Variants in MAP3K4 observed in about 807,000 individuals in gnomAD.
MAP3K4 encodes the protein MAP three kinase 1.
MAP3K4 carries 67 observed loss-of-function variants against 185.6 expected under a neutral mutation model. The ratio of observed to expected loss-of-function variants is 0.36; its 90% confidence interval spans 0.30 to 0.44. The LOEUF is 0.44. MAP3K4 is among the 20% of genes least tolerant of loss of function. The pLI is 1.00. For synonymous variants in MAP3K4, 702 were observed against 710.4 expected (o/e 0.99, Z 0.19); for missense variants, 1,551 against 1,995.1 (o/e 0.78, Z 4.24).
intron 1 of MAP3K4, among the ~76,000 whole-genome samples, chr6:161,011,860 C>T (rs1202489215): frequency 2.0e-5 from 3 of 152,176 alleles, no homozygotes; most frequent in African/African-American, 7.2e-5. Context: ...TTATTCCTTT[C>T]CTGACAGACT....
At position 161,048,534 on chromosome 6, in the gene MAP3K4, A is replaced by C; in HGVS notation, c.344-82A>C. On this transcript the variant is annotated intron_variant, in intron 2 of 26. Transcript: ENST00000392142. The surrounding 1 kb of genome is among the most constrained non-coding windows in gnomAD (Gnocchi z 4.7). ...CAGTCTGAAAATATAAATATGTGTG[A>C]ATACCAGTTTTATTGAAAATATTGA... The C allele has an allele frequency of 1.1e-6, 1 of 874,864 alleles. No homozygotes were observed. The highest frequency in any genetic ancestry group is 1.7e-6 in the Non-Finnish European group (1 of 585,604). 54.2% of individuals were successfully genotyped at this position (874,864 alleles called of 1,614,324 possible).
At chr6:161,078,762 C>T (rs1362523232) in intron 5 of MAP3K4, among the ~76,000 whole-genome samples, 6 of 152,002 alleles carry the variant, frequency 3.9e-5, no homozygotes, top group Admixed American at 3.3e-4. Flanking sequence ...TGGCCGAGCC[C>T]GAGATGGAGG....
chr6:161,057,872 C>T (rs1292674466), intron 3 of MAP3K4, among the ~76,000 whole-genome samples: 4 of 152,114 alleles, frequency 2.6e-5, no homozygotes, highest in Non-Finnish European at 5.9e-5. Flanking sequence ...TACAAACATA[C>T]AAAGGAAAGT....
At position 160,991,823 on chromosome 6, in the gene MAP3K4, G is replaced by C. The variant is rs922111073; in HGVS notation, c.-109G>C. The C allele has an allele frequency of 1.6e-6, 2 of 1,254,664 alleles. No homozygotes were observed. The highest frequency in any genetic ancestry group is 2.1e-6 in the Non-Finnish European group (2 of 967,556). 77.7% of individuals were successfully genotyped at this position (1,254,664 alleles called of 1,614,324 possible). ...CGCGGCGCGCACGGCTCCTGCGGCG[G>C]GGTAGAGGCGGAGGCGGAGTCGAGT... On this transcript the variant is annotated 5_prime_UTR_variant, in exon 1 of 27. Transcript: ENST00000392142. The surrounding 1 kb of genome is among the most constrained non-coding windows in gnomAD (Gnocchi z 5.7).
At position 161,100,536 on chromosome 6, in the gene MAP3K4, G is replaced by A. The variant is rs1583233494; in HGVS notation, c.3675-1356G>A. On this transcript the variant is annotated intron_variant, in intron 17 of 26. Transcript: ENST00000392142. This position sits in a 1 kb window ranked among gnomAD's most constrained non-coding sequence, Gnocchi z 5.8. ...TCCTGCTGGCTCTCAAGAGCTGATG[G>A]CGAATGTTTGAGAAATTTTGCAAGT... Among the ~76,000 whole-genome samples the A allele has an allele frequency of 6.6e-6, 1 of 152,168 alleles. No individual in the cohort carries two copies. The highest frequency in any genetic ancestry group is 2.1e-4 in the South Asian group (1 of 4,826).
At position 161,017,920 on chromosome 6, in the gene MAP3K4, T is replaced by C. The variant is rs1782189156; in HGVS notation, c.153-16339T>C. On this transcript the variant is annotated intron_variant, in intron 1 of 26. Transcript: ENST00000392142. The surrounding 1 kb of genome is among the most constrained non-coding windows in gnomAD (Gnocchi z 5.1). ...AGAACAGTTTTTTTAGATTAAAAAA[T>C]ATAAATATGCTGGGTTTTAGTGATT... Among the ~76,000 whole-genome samples the C allele has an allele frequency of 6.6e-6, 1 of 152,184 alleles. No homozygotes were observed. Among genetic ancestry groups the C allele is most frequent in the African/African-American group, 2.4e-5 (1 of 41,444 alleles).
At position 161,100,438 on chromosome 6, in the gene MAP3K4, T is replaced by C. The variant is rs1001476234; in HGVS notation, c.3675-1454T>C. ...TTGATTTTACTTGACCTAGGAAATA[T>C]CTGTTCTGGGCTTAAGTTATCTTAT... On this transcript the variant is annotated intron_variant, in intron 17 of 26. Coordinates refer to ENST00000392142, the MANE Select transcript of MAP3K4 (RefSeq NM_005922.4). The surrounding 1 kb of genome is among the most constrained non-coding windows in gnomAD (Gnocchi z 5.8). Among the ~76,000 whole-genome samples, 4 of 152,232 alleles carry C rather than the reference T, an allele frequency of 2.6e-5. No individual in the cohort carries two copies. The highest frequency in any genetic ancestry group is 5.9e-5 in the Non-Finnish European group (4 of 68,042).
chr6:161,026,345 C>A (rs1476314824), intron 1 of MAP3K4, among the ~76,000 whole-genome samples: 1 of 152,008 alleles, frequency 6.6e-6, no homozygotes, highest in African/African-American at 2.4e-5. Context: ...CCATGTTAGC[C>A]AGGATGGTCT....
chr6:161,100,667 A>C lies in MAP3K4; in HGVS notation c.3675-1225A>C. Among the ~76,000 whole-genome samples the C allele has an allele frequency of 6.6e-6, 1 of 152,190 alleles. No homozygotes were observed. Among genetic ancestry groups the C allele is most frequent in the East Asian group, 1.9e-4 (1 of 5,198 alleles). On this transcript the variant is annotated intron_variant, in intron 17 of 26. Transcript: ENST00000392142. This position sits in a 1 kb window ranked among gnomAD's most constrained non-coding sequence, Gnocchi z 5.8. ...TTCCCCAATATGCCACTTCATGAGT[A>C]TATGTTCTTGCTTTTTACCCGTGCA... is the stretch of plus-strand genomic sequence containing the variant.
At position 161,055,731 on chromosome 6, in the gene MAP3K4, G is replaced by A. The variant is rs556617755; in HGVS notation, c.1707+5752G>A. 9.2e-5 allele frequency among the ~76,000 whole-genome samples: 14 copies of A among 152,328 alleles called. No individual in the cohort carries two copies. The East Asian group carries it at 2.5e-3, about 27-fold the overall frequency. Reference sequence around the variant, plus strand: ...ATGGGGCTTGGGAATGGATGCCACAGAGTTGAAATGCCCTAGTCGCATTAC... The same window carrying A: ...ATGGGGCTTGGGAATGGATGCCACAAAGTTGAAATGCCCTAGTCGCATTAC... On this transcript the variant is annotated intron_variant, in intron 3 of 26. Transcript: ENST00000392142.
At position 161,102,759 on chromosome 6, in the gene MAP3K4, C is replaced by A; in HGVS notation, c.3836C>A (p.Thr1279Lys). The part of the protein sequence containing the change: ...GSTRRSWELR[T>K]LISQSKDTAS... ...ACAAGAAGAAGTTGGGAACTTCGGA[C>A]ACTAATCAGCCAGAGTAAAGGTGAG... The change falls in exon 19 of 27, where the codon ACA becomes AAA. Residue 1279 changes from threonine (T) to lysine (K), a missense_variant. This residue lies in a region of MAP3K4 where 272 missense variants were observed against 301.2 expected (regional missense o/e 0.90). Transcript: ENST00000392142. The A allele has an allele frequency of 1.3e-6, 2 of 1,520,072 alleles. No homozygotes were observed. The highest frequency in any genetic ancestry group is 2.4e-5 in the East Asian group (1 of 42,462). 94.2% of individuals were successfully genotyped at this position (1,520,072 alleles called of 1,614,324 possible).
In MAP3K4 at chr6:161,110,626, A is replaced by G. The variant is rs913156378; in HGVS notation, c.4396+712A>G. Among the ~76,000 whole-genome samples the G allele has an allele frequency of 6.6e-6, 1 of 152,202 alleles. No homozygotes were observed. The highest frequency in any genetic ancestry group is 2.4e-5 in the African/African-American group (1 of 41,444). ...TGTAGTCTGAGGCTAACCTAAACAC[A>G]TTAACTTAGGAACCGACCTGACTTC... On this transcript the variant is annotated intron_variant, in intron 23 of 26. Transcript: ENST00000392142. This position sits in a 1 kb window ranked among gnomAD's most constrained non-coding sequence, Gnocchi z 4.8.
In MAP3K4 at chr6:161,116,530, A is replaced by G. The variant is rs954167796; in HGVS notation, c.4807-320A>G. ...TAAGGGGCAAGCAGCAGGATCAGCT[A>G]TGGAGACATTAGGGATTTGTAATTA... On this transcript the variant is annotated intron_variant, in intron 26 of 26. Coordinates refer to ENST00000392142, the MANE Select transcript of MAP3K4 (RefSeq NM_005922.4). The surrounding 1 kb of genome is among the most constrained non-coding windows in gnomAD (Gnocchi z 6.2). Among the ~76,000 whole-genome samples the G allele has an allele frequency of 1.3e-5, 2 of 152,168 alleles. No individual in the cohort carries two copies. Among genetic ancestry groups the G allele is most frequent in the Non-Finnish European group, 2.9e-5 (2 of 68,034 alleles).
Position 161,106,540 on chromosome 6 carries a change from G to A in MAP3K4, c.3883G>A (p.Glu1295Lys), listed in dbSNP as rs760466825. 1.4e-5 allele frequency: 23 copies of A among 1,612,376 alleles called. No homozygotes were observed. Among genetic ancestry groups the A allele is most frequent in the Non-Finnish European group, 1.9e-5 (22 of 1,179,348 alleles). Reference sequence around the variant, plus strand: ...TACTGCTTCTAAACTAGGACCCATAGAAGCTATCCAGAAGTCAGTCCGATT... The same window carrying A: ...TACTGCTTCTAAACTAGGACCCATAAAAGCTATCCAGAAGTCAGTCCGATT... The part of the protein sequence containing the change: ...KDTASKLGPI[E>K]AIQKSVRLFE... The change falls in exon 20 of 27, where the codon GAA (glutamate) becomes AAA (lysine). Residue 1295 changes from glutamate (E) to lysine (K), a missense_variant. Transcript: ENST00000392142. This position sits in a 1 kb window ranked among gnomAD's most constrained non-coding sequence, Gnocchi z 4.9.
intron 1 of MAP3K4, among the ~76,000 whole-genome samples, chr6:161,025,284 C>A (rs1238073894): frequency 6.6e-6 from 1 of 152,192 alleles, no homozygotes; most frequent in Non-Finnish European, 1.5e-5. Context: ...CTCCAAAATT[C>A]TCTTATTGGA....
chr6:161,081,411 TC>T (rs1302920767), intron 6 of MAP3K4, among the ~76,000 whole-genome samples: 4 of 151,936 alleles, frequency 2.6e-5, no homozygotes, highest in African/African-American at 2.4e-5. Flanking sequence ...AAACTCTTTT[TC>T]CCCCTAATAA....
chr6:161,091,298 T>A lies in MAP3K4; in HGVS notation c.2974-81T>A. The A allele has an allele frequency of 8.3e-7, 1 of 1,211,666 alleles. No homozygotes were observed. Among genetic ancestry groups the A allele is most frequent in the Non-Finnish European group, 1.2e-6 (1 of 865,612 alleles). The allele number at this position is 1,211,666 out of a possible 1,614,324, so 75.1% of individuals were successfully genotyped here. ...GTAGTGGTTAATGTCTGTGTGATGATGAACGAAATCTTCCTTTAAAATGTG... is the reference window on the plus strand; with the variant it reads ...GTAGTGGTTAATGTCTGTGTGATGAAGAACGAAATCTTCCTTTAAAATGTG... On this transcript the variant is annotated intron_variant, in intron 11 of 26. Coordinates refer to ENST00000392142, the MANE Select transcript of MAP3K4 (RefSeq NM_005922.4). This position sits in a 1 kb window ranked among gnomAD's most constrained non-coding sequence, Gnocchi z 5.5.
In MAP3K4 at chr6:161,108,303, A is replaced by G. The variant is rs1367926096; in HGVS notation, c.4119+334A>G. On this transcript the variant is annotated intron_variant, in intron 21 of 26. Transcript: ENST00000392142. This position sits in a 1 kb window ranked among gnomAD's most constrained non-coding sequence, Gnocchi z 5.7. ...GGGACACATTGGGGGAGAAGATAAC[A>G]TTTATGATAAGCTTCAGAAACAAGT... is the stretch of plus-strand genomic sequence containing the variant. Among the ~76,000 whole-genome samples the G allele has an allele frequency of 4.6e-5, 7 of 152,232 alleles. No individual in the cohort carries two copies. The highest frequency in any genetic ancestry group is 1.7e-4 in the African/African-American group (7 of 41,468).
rs1462954172 is a variant in MAP3K4 at position 161,063,148 on chromosome 6, C to T, written c.1708-7460C>T. On this transcript the variant is annotated intron_variant, in intron 3 of 26. Coordinates refer to ENST00000392142, the MANE Select transcript of MAP3K4 (RefSeq NM_005922.4). The surrounding 1 kb of genome is among the most constrained non-coding windows in gnomAD (Gnocchi z 5.4). ...CTTCTAGTTTGTTTTTGATTTGGGA[C>T]GTAAAATTGATTTGATTTTTGATTA... Among the ~76,000 whole-genome samples the T allele has an allele frequency of 2.0e-5, 3 of 151,818 alleles. No individual in the cohort carries two copies. Among genetic ancestry groups the T allele is most frequent in the Admixed American group, 6.6e-5 (1 of 15,254 alleles).
Sources: allele counts gnomAD v4.1 joint callset (sites outside exome capture counted in the v4.1 genomes callset), GRCh38; gene constraint gnomAD v4.1.1; regional missense constraint gnomAD v4.1.1; non-coding constraint Gnocchi (gnomAD v3.1); transcripts MANE v1.5; gene names NCBI Gene and HGNC (gene_info 2026-07-23, HGNC 2026-07-21).